The following PTPRD variants were observed in gnomAD, a reference collection of about 807,000 sequenced individuals.
The protein encoded by PTPRD is protein tyrosine phosphatase receptor type D.
PTPRD carries 34 observed loss-of-function variants against 214.5 expected under a neutral mutation model. The ratio of observed to expected loss-of-function variants is 0.16; its 90% CI spans 0.12 to 0.21. PTPRD has a LOEUF of 0.21. PTPRD is among the 10% of genes least tolerant of loss of function. PTPRD has a pLI of 1.00. For synonymous variants in PTPRD, 1,128 were observed against 845.7 expected, an observed-to-expected ratio of 1.33 and a Z score of -5.79; for missense variants, 2,545 against 2,398.7, an observed-to-expected ratio of 1.06 and a Z score of -1.27.
At chr9:9,315,809 T>G (rs1002821915) in intron 9 of PTPRD, among the ~76,000 whole-genome samples, 1 of 151,100 alleles carries the variant, frequency 6.6e-6, no homozygotes, top group Admixed American at 6.6e-5. Context: ...TTCATATAAT[T>G]TTCTGTATTA....
chr9:9,714,044 C>A (rs1221529361), intron 7 of PTPRD, among the ~76,000 whole-genome samples: 1 of 142,998 alleles, frequency 7.0e-6, no homozygotes, highest in African/African-American at 2.6e-5. Flanking sequence ...ATATAAATGG[C>A]ACAATGACCC....
intron 5 of PTPRD, among the ~76,000 whole-genome samples, chr9:9,820,519 T>A (rs1281345006): frequency 6.6e-6 from 1 of 152,182 alleles, no homozygotes; most frequent in Non-Finnish European, 1.5e-5. Flanking sequence ...TTGTTGTTGT[T>A]GCAATTGCTT....
intron 35 of PTPRD, among the ~76,000 whole-genome samples, chr9:8,417,849 G>A (rs2094055309): frequency 6.6e-6 from 1 of 152,110 alleles, no homozygotes; most frequent in South Asian, 2.1e-4. Context: ...AACAGTAACT[G>A]TAATCCAAAT....
intron 8 of PTPRD, among the ~76,000 whole-genome samples, chr9:9,559,162 C>T (rs2082266439): frequency 6.6e-6 from 1 of 152,154 alleles, no homozygotes; most frequent in Non-Finnish European, 1.5e-5. Flanking sequence ...AACTGCTTCC[C>T]AGTCTGGGGC....
intron 29 of PTPRD, among the ~76,000 whole-genome samples, chr9:8,484,700 T>C (rs904404082): frequency 1.7e-4 from 24 of 140,482 alleles, no homozygotes; most frequent in African/African-American, 6.7e-4. Flanking sequence ...AGAAAAGCTC[T>C]ACGTTTCAAC....
intron 10 of PTPRD, among the ~76,000 whole-genome samples, chr9:9,122,659 T>C (rs1014811607): frequency 9.0e-4 from 137 of 152,194 alleles, no homozygotes; most frequent in African/African-American, 3.3e-3. Context: ...CATGAACATA[T>C]GGTGATTTGG....
chr9:10,591,804 C>T (rs774864028), intron 2 of PTPRD, among the ~76,000 whole-genome samples: 2 of 152,058 alleles, frequency 1.3e-5, no homozygotes, highest in Non-Finnish European at 2.9e-5. Flanking sequence ...GTTGCTCATG[C>T]TTATTTCACC....
At chr9:9,816,366 G>A (rs1026971584) in intron 5 of PTPRD, among the ~76,000 whole-genome samples, 1 of 151,954 alleles carries the variant, frequency 6.6e-6, no homozygotes, top group Non-Finnish European at 1.5e-5. Context: ...TTATTGGAAA[G>A]ATCAACCACA....
intron 2 of PTPRD, among the ~76,000 whole-genome samples, chr9:10,565,599 A>G (rs2131694298): frequency 6.6e-6 from 1 of 152,274 alleles, no homozygotes; most frequent in Non-Finnish European, 1.5e-5. Flanking sequence ...TTTTAAACAC[A>G]CACAAACACA....
At chr9:8,476,669 T>G in intron 30 of PTPRD, among the ~76,000 whole-genome samples, 1 of 152,280 alleles carries the variant, frequency 6.6e-6, no homozygotes, top group Admixed American at 6.5e-5. Flanking sequence ...TACAACAAAT[T>G]TATATATTTA....
intron 22 of PTPRD, among the ~76,000 whole-genome samples, chr9:8,506,301 G>C (rs2097542083): frequency 1.3e-5 from 2 of 152,054 alleles, no homozygotes; most frequent in South Asian, 4.1e-4. Context: ...ATATATGTGT[G>C]AAGTTCTCAA....
intron 7 of PTPRD, among the ~76,000 whole-genome samples, chr9:9,677,155 G>T (rs913275463): frequency 6.6e-6 from 1 of 151,988 alleles, no homozygotes; most frequent in African/African-American, 2.4e-5. Context: ...GTCAATTTTG[G>T]CTTTTGTTGC....
At chr9:8,834,678 C>T (rs2154530820) in intron 11 of PTPRD, among the ~76,000 whole-genome samples, 1 of 152,128 alleles carries the variant, frequency 6.6e-6, no homozygotes, top group African/African-American at 2.4e-5. Context: ...ATTTCAGAGA[C>T]AAAGAAAGTG....
intron 7 of PTPRD, among the ~76,000 whole-genome samples, chr9:9,656,734 C>G (rs1465327106): frequency 6.6e-6 from 1 of 151,954 alleles, no homozygotes; most frequent in African/African-American, 2.4e-5. Context: ...GAAGATGCAG[C>G]AAGAGTGAAT....
intron 4 of PTPRD, among the ~76,000 whole-genome samples, chr9:9,942,683 A>G (rs1275565024): frequency 6.6e-6 from 1 of 152,164 alleles, no homozygotes; most frequent in Non-Finnish European, 1.5e-5. Flanking sequence ...TTTTATATCA[A>G]TGCTATTTTA....
At chr9:9,553,724 TAGGAAGAAA>T (rs139815102) in intron 8 of PTPRD, among the ~76,000 whole-genome samples, 5,265 of 152,124 alleles carry the variant, frequency 0.035, 144 homozygotes, top group Middle Eastern at 0.061. Context: ...GCTATTCAGG[TAGGAAGAAA>T]ATATTAAGTT....
intron 12 of PTPRD, among the ~76,000 whole-genome samples, chr9:8,690,253 TG>T: frequency 6.6e-6 from 1 of 151,896 alleles, no homozygotes; most frequent in Admixed American, 6.6e-5. Flanking sequence ...TTTGGCCGGG[TG>T]CGGAGGCTTG....
chr9:10,243,337 ATTAAATG>A (rs1381448782), intron 3 of PTPRD, among the ~76,000 whole-genome samples: 1 of 151,700 alleles, frequency 6.6e-6, no homozygotes, highest in African/African-American at 2.4e-5. Flanking sequence ...TTCTTTTCAT[ATTAAATG>A]TTAATGTTTT....
intron 5 of PTPRD, among the ~76,000 whole-genome samples, chr9:9,895,650 A>C (rs1304748754): frequency 1.3e-5 from 2 of 152,044 alleles, no homozygotes; most frequent in African/African-American, 4.8e-5. Flanking sequence ...CACAGGAGGA[A>C]TATGTTTAAG....
Sources: allele counts gnomAD v4.1 joint callset (sites outside exome capture counted in the v4.1 genomes callset), GRCh38; gene constraint gnomAD v4.1.1; transcripts MANE v1.5; gene names NCBI Gene and HGNC (gene_info 2026-07-23, HGNC 2026-07-21).